CDH8: variants seen among roughly 807,000 people sequenced by gnomAD.
The protein encoded by CDH8 is cadherin-8.
In CDH8, 17 loss-of-function variants were observed where a neutral mutation model predicts 68.1. That is an observed-to-expected ratio of 0.25 (90% CI 0.17 to 0.37). The LOEUF (loss-of-function observed/expected upper bound fraction) is 0.37. Ranked by LOEUF, CDH8 falls within the 10% of genes least tolerant of loss-of-function variation. The probability of loss-of-function intolerance (pLI) is 1.00; values close to 1 mark genes in which losing one functional copy is unlikely to be tolerated. For missense variants in CDH8, 763 were observed against 999.3 expected (o/e 0.76, Z 3.19); for synonymous variants, 372 against 365.1 (o/e 1.02, Z -0.21).
chr16:61,968,036 C>T (rs574316840), intron 2 of CDH8, among the ~76,000 whole-genome samples: 31 of 152,236 alleles, frequency 2.0e-4, no homozygotes, highest in South Asian at 4.1e-4. Flanking sequence ...TCTCGAACTC[C>T]TGACCTTGGG....
At chr16:61,665,782 TCC>T (rs1963659408) in intron 10 of CDH8, among the ~76,000 whole-genome samples, 1 of 139,238 alleles carries the variant, frequency 7.2e-6, no homozygotes, top group Admixed American at 7.2e-5. Context: ...CTTCCTTCCT[TCC>T]TTCCTTCCTT....
chr16:61,830,306 G>A lies in CDH8; in HGVS notation c.668-5127C>T, dbSNP rs573553962. Among the ~76,000 whole-genome samples, 56 of 151,818 alleles carry A rather than the reference G, an allele frequency of 3.7e-4. 4 individuals carry two copies. In the South Asian group the frequency reaches 0.012, roughly 31 times the overall value. On this transcript the variant is annotated intron_variant, in intron 4 of 11. Transcript: ENST00000577390. Reference sequence around the variant, plus strand: ...CAGAGCACAAAATATAGTAATTAGGGAAGACTGTTTTCAAATTTAAGAAGG... The same window carrying A: ...CAGAGCACAAAATATAGTAATTAGGAAAGACTGTTTTCAAATTTAAGAAGG...
intron 10 of CDH8, among the ~76,000 whole-genome samples, chr16:61,712,625 G>A (rs988432529): frequency 6.6e-6 from 1 of 151,504 alleles, no homozygotes; most frequent in African/African-American, 2.4e-5. Context: ...CAATGACAAT[G>A]TACTTGGATT....
intron 2 of CDH8, among the ~76,000 whole-genome samples, chr16:61,954,714 A>AGAAAGAAAG (rs796069535): frequency 7.9e-5 from 12 of 151,272 alleles, no homozygotes; most frequent in Admixed American, 1.3e-4. Context: ...AAAAAAAAAA[A>AGAAAGAAAG]AAAGAAAGAA....
intron 2 of CDH8, among the ~76,000 whole-genome samples, chr16:61,980,844 T>G (rs867625613): frequency 6.6e-6 from 1 of 152,088 alleles, no homozygotes; most frequent in Non-Finnish European, 1.5e-5. Flanking sequence ...AAATATAAAA[T>G]GCAGATATAC....
At position 61,714,010 on chromosome 16, in the gene CDH8, C is replaced by T. The variant is rs1014718598; in HGVS notation, c.1537-52G>A. On this transcript the variant is annotated intron_variant, in intron 9 of 11. Transcript: ENST00000577390. The stretch of plus-strand genomic sequence containing the variant: ...TTTCTGATGATTTCAGAGGCTCCTG[C>T]CATCGGTAAAAGCTTAGTGACATTC... 4 of 1,068,328 alleles carry T rather than the reference C, an allele frequency of 3.7e-6. No homozygotes were observed. In the South Asian group the frequency reaches 3.8e-5, roughly 10 times the overall value. The allele number at this position is 1,068,328 out of a possible 1,614,324, so 66.2% of individuals were successfully genotyped here. A position where few individuals can be genotyped will look rare whatever the true frequency, so the allele number is the denominator to read the frequency against.
At chr16:61,732,752 C>A (rs1358097913) in intron 8 of CDH8, among the ~76,000 whole-genome samples, 1 of 151,776 alleles carries the variant, frequency 6.6e-6, no homozygotes, top group Non-Finnish European at 1.5e-5. Context: ...CACATTACTC[C>A]TCGTTTCTTA....
At chr16:61,697,797 G>T (rs1275071491) in intron 10 of CDH8, among the ~76,000 whole-genome samples, 4 of 152,284 alleles carry the variant, frequency 2.6e-5, no homozygotes, top group Admixed American at 2.0e-4. Flanking sequence ...AGCCCCTTCT[G>T]GGGAGTTTTT....
intron 10 of CDH8, among the ~76,000 whole-genome samples, chr16:61,678,236 A>G (rs1211230419): frequency 6.6e-6 from 1 of 152,094 alleles, no homozygotes. Flanking sequence ...TCTAAAATGT[A>G]TAAAACTAGG....
chr16:61,967,895 G>T (rs1003286365), intron 2 of CDH8, among the ~76,000 whole-genome samples: 1 of 152,104 alleles, frequency 6.6e-6, no homozygotes, highest in African/African-American at 2.4e-5. Context: ...AGCAACCTCC[G>T]CCTCCTGGGT....
At chr16:61,709,901 A>G (rs1964601233) in intron 10 of CDH8, among the ~76,000 whole-genome samples, 1 of 152,136 alleles carries the variant, frequency 6.6e-6, no homozygotes, top group South Asian at 2.1e-4. Flanking sequence ...GTATAAGCAG[A>G]TGTTTTTGCA....
intron 2 of CDH8, among the ~76,000 whole-genome samples, chr16:61,967,962 C>T (rs928233333): frequency 6.6e-6 from 1 of 152,126 alleles, no homozygotes; most frequent in African/African-American, 2.4e-5. Flanking sequence ...GCGCCCGCCA[C>T]CACGCCCAGC....
intron 7 of CDH8, among the ~76,000 whole-genome samples, chr16:61,792,823 G>A (rs1478208444): frequency 6.6e-6 from 1 of 151,894 alleles, no homozygotes; most frequent in African/African-American, 2.4e-5. Flanking sequence ...TTACCAACAT[G>A]TGTGTGCTGA....
At chr16:61,680,663 C>T (rs992822865) in intron 10 of CDH8, among the ~76,000 whole-genome samples, 1 of 151,638 alleles carries the variant, frequency 6.6e-6, no homozygotes, top group Admixed American at 6.6e-5. Context: ...ACACAATTGG[C>T]ACCTATGACA....
intron 2 of CDH8, among the ~76,000 whole-genome samples, chr16:61,983,112 A>C (rs1722448901): frequency 1.3e-5 from 2 of 152,216 alleles, no homozygotes; most frequent in African/African-American, 4.8e-5. Flanking sequence ...TACTGTATAT[A>C]TACATACTAC....
intron 10 of CDH8, chr16:61,691,749 A>G (rs966048458): frequency 6.6e-6 from 1 of 152,060 alleles, no homozygotes; most frequent in Non-Finnish European, 1.5e-5. Flanking sequence ...AAAGTATACA[A>G]GGCAGCTTTT....
intron 4 of CDH8, among the ~76,000 whole-genome samples, chr16:61,834,102 A>G (rs980265708): frequency 6.6e-6 from 1 of 151,964 alleles, no homozygotes; most frequent in Non-Finnish European, 1.5e-5. Context: ...GAGAATGAAG[A>G]TGGAAGAAGA....
At position 61,917,507 on chromosome 16, in the gene CDH8, T is replaced by C. The variant is rs74614200; in HGVS notation, c.253-16034A>G. 9.5e-3 allele frequency among the ~76,000 whole-genome samples: 1,451 copies of C among 152,190 alleles called. 28 individuals are homozygous for C. Among genetic ancestry groups the C allele is most frequent in the African/African-American group, 0.033 (1,377 of 41,514 alleles). On this transcript the variant is annotated intron_variant, in intron 2 of 11. Transcript: ENST00000577390. ...GTTTTCTGGGGTCCCTTGGTAGCAG[T>C]ACAAGTGGGGCATGCACAGACGAGA...
At chr16:61,734,222 G>T (rs1205275669) in intron 8 of CDH8, among the ~76,000 whole-genome samples, 1 of 152,080 alleles carries the variant, frequency 6.6e-6, no homozygotes, top group Non-Finnish European at 1.5e-5. Flanking sequence ...CTAGGTTGGA[G>T]GGTTTAAAGA....
Sources: allele counts gnomAD v4.1 joint callset (sites outside exome capture counted in the v4.1 genomes callset), GRCh38; gene constraint gnomAD v4.1.1; transcripts MANE v1.5; gene names NCBI Gene and HGNC (gene_info 2026-07-23, HGNC 2026-07-21).